The following THEM6 variants were observed in gnomAD, a reference collection of about 807,000 sequenced individuals.
THEM6 encodes protein THEM6.
In THEM6, 10 loss-of-function variants were observed where a neutral mutation model predicts 13.7. The observed-to-expected ratio is 0.73, with a 90% confidence interval of 0.45 to 1.24. The LOEUF is 1.24. Among genes scored for constraint, THEM6 ranks in the 50% most tolerant of loss-of-function variants. THEM6 has a pLI of 0.00. For missense variants in THEM6, 317 were observed against 312.6 expected (o/e 1.01, Z -0.11); for synonymous variants, 161 against 156.0 (o/e 1.03, Z -0.24).
At position 142,727,280 on chromosome 8, in the gene THEM6, A is replaced by C; in HGVS notation, c.-67A>C. The C allele has an allele frequency of 7.2e-7, 1 of 1,386,092 alleles. No homozygotes were observed. The highest frequency in any genetic ancestry group is 9.3e-7 in the Non-Finnish European group (1 of 1,074,550). 85.9% of individuals were successfully genotyped at this position (1,386,092 alleles called of 1,614,324 possible). A position where few individuals can be genotyped will look rare whatever the true frequency, so the allele number is the denominator to read the frequency against. On this transcript the variant is annotated 5_prime_UTR_variant, in exon 1 of 2. Coordinates refer to ENST00000336138, the MANE Select transcript of THEM6 (RefSeq NM_016647.3). ...CCCAGGAGGCCTGGCGGGCACCGTA[A>C]CCAGCGCCGCGGACACCGGCACCGG...
Position 142,727,386 on chromosome 8 carries a change from G to T in THEM6, c.40G>T (p.Ala14Ser). The T allele has an allele frequency of 6.6e-7, 1 of 1,525,584 alleles. No individual in the cohort carries two copies. The allele number at this position is 1,525,584 out of a possible 1,614,324, so 94.5% of individuals were successfully genotyped here. A position where few individuals can be genotyped will look rare whatever the true frequency, so the allele number is the denominator to read the frequency against. Residue 14 changes from alanine to serine, a missense_variant, in exon 1 of 2, where the codon GCT becomes TCT. By Grantham distance (99) the Ala-to-Ser change is moderately conservative. Coordinates refer to ENST00000336138, the MANE Select transcript of THEM6 (RefSeq NM_016647.3). Reference sequence around the variant, plus strand: ...GGTGGCGTTGCTGGCCCTGGGGCTCGCTGTCTTTGCGCTGCTGGACGTCTG... The same window carrying T: ...GGTGGCGTTGCTGGCCCTGGGGCTCTCTGTCTTTGCGCTGCTGGACGTCTG... The part of the protein sequence containing the change: ...LLVALLALGL[A>S]VFALLDVWYL...
rs1421887605 is a variant in THEM6, at chr8:142,727,342, C to A, written c.-5C>A. 2 of 1,508,504 alleles carry A rather than the reference C, an allele frequency of 1.3e-6. No homozygotes were observed. Among genetic ancestry groups the A allele is most frequent in the East Asian group, 5.4e-5 (2 of 37,112 alleles). 93.4% of individuals were successfully genotyped at this position (1,508,504 alleles called of 1,614,324 possible). A position where few individuals can be genotyped will look rare whatever the true frequency, so the allele number is the denominator to read the frequency against. ...CCGCAGGACCCCGCGCCCGCCGCCG[C>A]CGCTATGCTGGGGCTGCTGGTGGCG... On this transcript the variant is annotated 5_prime_UTR_variant, in exon 1 of 2. Transcript: ENST00000336138.
chr8:142,735,477 G>A lies in THEM6; in HGVS notation c.*38G>A. Reference sequence around the variant, plus strand: ...CACCGTCTGCCCTGGCCACCATCCTGGGCCTGGGGGCTGCCCACAGATGGG... The same window carrying A: ...CACCGTCTGCCCTGGCCACCATCCTAGGCCTGGGGGCTGCCCACAGATGGG... On this transcript the variant is annotated 3_prime_UTR_variant, in exon 2 of 2. Transcript: ENST00000336138. 2.1e-6 allele frequency: 3 copies of A among 1,444,290 alleles called. No homozygotes were observed. Among genetic ancestry groups the A allele is most frequent in the Non-Finnish European group, 2.9e-6 (3 of 1,051,536 alleles). 89.5% of individuals were successfully genotyped at this position (1,444,290 alleles called of 1,614,324 possible).
chr8:142,731,961 T>C (rs894542740), intron 1 of THEM6, among the ~76,000 whole-genome samples: 9 of 151,760 alleles, frequency 5.9e-5, no homozygotes, highest in Non-Finnish European at 1.0e-4. Context: ...CTGGCGCCGC[T>C]GTGCTTGCTG....
At chr8:142,732,207 T>TATATATATATATATATATATA (rs1563822652) in intron 1 of THEM6, among the ~76,000 whole-genome samples, 10 of 91,500 alleles carry the variant, frequency 1.1e-4, no homozygotes, top group Non-Finnish European at 1.3e-4. Context: ...TATATATATA[T>TATATATATATATATATATATA]TTTAACTACT....
In THEM6 at chr8:142,735,410, G is replaced by A. The variant is rs11540544; in HGVS notation, c.598G>A (p.Gly200Arg). The change falls in exon 2 of 2, where the codon GGG becomes AGG. Residue 200 changes from glycine to arginine, a missense_variant. Physicochemically the swap from Gly to Arg is moderately radical, Grantham distance 125 (BLOSUM62 -2). Coordinates refer to ENST00000336138, the MANE Select transcript of THEM6 (RefSeq NM_016647.3). Reference protein sequence around the residue: ...ASSQLLRMESGLSDVTKDQ With the variant: ...ASSQLLRMESRLSDVTKDQ ...CAGCCAGCTGCTCCGCATGGAGAGT[G>A]GGCTCAGTGATGTCACCAAGGACCA... 17,900 of 1,582,870 alleles carry A rather than the reference G, an allele frequency of 0.011. 109 individuals carry two copies. The highest frequency in any genetic ancestry group is 0.013 in the Non-Finnish European group (15,581 of 1,164,674).
At chr8:142,727,964 C>A in intron 1 of THEM6, 105 bp downstream of exon 1, 1 of 1,268,462 alleles carries the variant, frequency 7.9e-7, no homozygotes, top group Non-Finnish European at 1.0e-6. Flanking sequence ...GCTGCCTGCA[C>A]CTCTTTCGGA....
chr8:142,733,169 G>C (rs1815689875), intron 1 of THEM6, among the ~76,000 whole-genome samples: 1 of 152,204 alleles, frequency 6.6e-6, no homozygotes, highest in African/African-American at 2.4e-5. Context: ...AGGCAGAGGA[G>C]AACAAAGGAA....
chr8:142,733,788 C>T (rs377153064), intron 1 of THEM6, among the ~76,000 whole-genome samples: 1 of 152,196 alleles, frequency 6.6e-6, no homozygotes, highest in Non-Finnish European at 1.5e-5. Flanking sequence ...CCAAGGTGGT[C>T]GGGGCACAGC....
chr8:142,728,173 C>T lies in THEM6; in HGVS notation c.513+314C>T, dbSNP rs111665441. On this transcript the variant is annotated intron_variant, in intron 1 of 1. Transcript: ENST00000336138. ...TTCACCCCTCTCCTCTCTCCTGGTA[C>T]TCTGTTCTGTGGCTGGAGTGTTGAC... Among the ~76,000 whole-genome samples, 1,117 of 152,308 alleles carry T rather than the reference C, an allele frequency of 7.3e-3. 16 individuals are homozygous for T. The highest frequency in any genetic ancestry group is 0.025 in the African/African-American group (1,023 of 41,568).
chr8:142,731,601 T>C (rs1289293509), intron 1 of THEM6, among the ~76,000 whole-genome samples: 2 of 152,206 alleles, frequency 1.3e-5, no homozygotes, highest in African/African-American at 4.8e-5. Context: ...TTGATTTCTG[T>C]CTCTTCCAGT....
At position 142,727,298 on chromosome 8, in the gene THEM6, G is replaced by A. The variant is rs781891978; in HGVS notation, c.-49G>A. ...CACCGTAACCAGCGCCGCGGACACC[G>A]GCACCGGCGCCACGGACTCCGCAGG... On this transcript the variant is annotated 5_prime_UTR_variant, in exon 1 of 2. Coordinates refer to ENST00000336138, the MANE Select transcript of THEM6 (RefSeq NM_016647.3). 2 of 1,424,932 alleles carry A rather than the reference G, an allele frequency of 1.4e-6. No individual in the cohort carries two copies. The highest frequency in any genetic ancestry group is 1.8e-6 in the Non-Finnish European group (2 of 1,099,202). The allele number at this position is 1,424,932 out of a possible 1,614,324, so 88.3% of individuals were successfully genotyped here.
intron 1 of THEM6, among the ~76,000 whole-genome samples, chr8:142,734,316 C>A (rs913264771): frequency 3.9e-5 from 6 of 152,206 alleles, no homozygotes; most frequent in African/African-American, 1.4e-4. Context: ...GAGGCAAAGG[C>A]CACCAAGGCT....
At chr8:142,734,878 G>T in intron 1 of THEM6, 1 of 166,676 alleles carries the variant, frequency 6.0e-6, no homozygotes, top group Non-Finnish European at 1.3e-5. Flanking sequence ...TGTGGAGAGG[G>T]TTGATAGTGG....
chr8:142,728,284 C>T (rs1289953097), intron 1 of THEM6, among the ~76,000 whole-genome samples: 1 of 152,240 alleles, frequency 6.6e-6, no homozygotes, highest in African/African-American at 2.4e-5. Flanking sequence ...CTGAGCCCCC[C>T]TTTCACACAG....
chr8:142,729,096 G>A (rs587754447), intron 1 of THEM6, among the ~76,000 whole-genome samples: 80 of 151,698 alleles, frequency 5.3e-4, no homozygotes, highest in African/African-American at 1.9e-3. Context: ...CAGCCACCAC[G>A]CCCGGCTAAT....
chr8:142,731,736 C>A (rs1356599931), intron 1 of THEM6, among the ~76,000 whole-genome samples: 4 of 152,190 alleles, frequency 2.6e-5, no homozygotes, highest in Admixed American at 1.3e-4. Context: ...CAGGGCCGGG[C>A]AATGGCACCA....
In THEM6 at chr8:142,735,390, AGCT is replaced by A. The variant is rs1436873445; in HGVS notation, c.582_584del (p.Leu195del). Reference sequence around the variant, plus strand: ...ATCTCCTACAACGAGGCCAGCAGCCAGCTGCTCCGCATGGAGAGTGGGCTCAGT... The same window carrying A: ...ATCTCCTACAACGAGGCCAGCAGCCAGCTCCGCATGGAGAGTGGGCTCAGT... On this transcript the variant is annotated inframe_deletion, in exon 2 of 2. Transcript: ENST00000336138. 1 of 1,584,830 alleles carries A rather than the reference AGCT, an allele frequency of 6.3e-7. No homozygotes were observed.
At chr8:142,734,912 G>A (rs1248260602) in intron 1 of THEM6, 1 of 190,164 alleles carries the variant, frequency 5.3e-6, no homozygotes, top group Non-Finnish European at 1.1e-5. Flanking sequence ...AGGCTGCCCT[G>A]GGGGATGAAG....
Sources: gnomAD v4.1 joint callset for allele counts (sites outside exome capture counted in the v4.1 genomes callset) on GRCh38, gnomAD v4.1.1 for gene constraint, MANE v1.5 for transcripts, NCBI Gene and HGNC (gene_info 2026-07-23, HGNC 2026-07-21) for gene names.